The following CFAP299 variants were observed in gnomAD, a reference collection of about 807,000 sequenced individuals.
CFAP299 encodes the protein cilia and flagella associated protein 299, also known as cilia- and flagella-associated protein 299.
A neutral mutation model predicts 27.0 loss-of-function variants in CFAP299; 21 were observed. The observed-to-expected ratio is 0.78, with a 90% confidence interval of 0.55 to 1.12. CFAP299 has a LOEUF of 1.12. Among genes scored for constraint, CFAP299 ranks in the 50% most tolerant of loss-of-function variants. The pLI, the probability that CFAP299 is intolerant of heterozygous loss-of-function variation, is 0.00. For missense variants in CFAP299, 310 were observed against 276.6 expected, an observed-to-expected ratio of 1.12 and a Z score of -0.86; for synonymous variants, 104 against 98.1, an observed-to-expected ratio of 1.06 and a Z score of -0.36.
chr4:80,464,774 T>C (rs1368251696), intron 2 of CFAP299, among the ~76,000 whole-genome samples: 1 of 152,122 alleles, frequency 6.6e-6, no homozygotes, highest in Non-Finnish European at 1.5e-5. Context: ...TGTCATAATA[T>C]TTTGACATCT....
chr4:80,809,356 G>T (rs1235176167), intron 3 of CFAP299, among the ~76,000 whole-genome samples: 6 of 152,132 alleles, frequency 3.9e-5, no homozygotes, highest in African/African-American at 1.4e-4. Flanking sequence ...GGGGACAAAA[G>T]GTGAAACTTT....
chr4:80,473,539 G>GT (rs1730114730), intron 2 of CFAP299, among the ~76,000 whole-genome samples: 1 of 151,262 alleles, frequency 6.6e-6, no homozygotes, highest in South Asian at 2.1e-4. Flanking sequence ...CTCTTTCTGT[G>GT]TAAAATAGGA....
chr4:80,388,322 T>G lies in CFAP299; in HGVS notation c.242+25438T>G, dbSNP rs114947267. 1.1e-3 allele frequency: 747 copies of G among 685,126 alleles called. 1 individual carries two copies. In the African/African-American group the frequency reaches 0.012, roughly 11 times the overall value. 42.4% of individuals were successfully genotyped at this position (685,126 alleles called of 1,614,324 possible). A position where few individuals can be genotyped will look rare whatever the true frequency, so the allele number is the denominator to read the frequency against. On this transcript the variant is annotated intron_variant, in intron 2 of 5. Transcript: ENST00000358105. The stretch of plus-strand genomic sequence containing the variant: ...GAGCAAGTCATTGCTTACCAAGATG[T>G]TCCCCTGGATCAGTGGGGACAGGGG...
chr4:80,904,440 TG>T (rs1055110913), intron 4 of CFAP299, among the ~76,000 whole-genome samples: 1 of 152,180 alleles, frequency 6.6e-6, no homozygotes, highest in Non-Finnish European at 1.5e-5. Context: ...TTGGGTTCTA[TG>T]GGGAACCCTT....
chr4:80,596,896 T>C (rs958552773), intron 3 of CFAP299, among the ~76,000 whole-genome samples: 2 of 152,212 alleles, frequency 1.3e-5, no homozygotes, highest in African/African-American at 4.8e-5. Flanking sequence ...ATCCATGTTG[T>C]CGTGTGCAGT....
At chr4:80,687,900 C>T (rs1720324275) in intron 3 of CFAP299, among the ~76,000 whole-genome samples, 1 of 152,298 alleles carries the variant, frequency 6.6e-6, no homozygotes, top group South Asian at 2.1e-4. Flanking sequence ...TCAGGGAGTT[C>T]CCTTTCATAG....
intron 4 of CFAP299, among the ~76,000 whole-genome samples, chr4:80,889,930 A>T (rs1734174963): frequency 6.6e-6 from 1 of 152,058 alleles, no homozygotes; most frequent in African/African-American, 2.4e-5. Flanking sequence ...AACACCTCTT[A>T]ATGATAAGAA....
intron 2 of CFAP299, among the ~76,000 whole-genome samples, chr4:80,421,373 G>A (rs1020166953): frequency 2.0e-5 from 3 of 152,160 alleles, no homozygotes; most frequent in African/African-American, 7.2e-5. Context: ...GTGGAACAAA[G>A]AACTAAGACT....
intron 3 of CFAP299, among the ~76,000 whole-genome samples, chr4:80,623,104 T>C (rs1738689952): frequency 6.6e-6 from 1 of 152,130 alleles, no homozygotes; most frequent in Non-Finnish European, 1.5e-5. Context: ...GCTTCTGTTC[T>C]ACACTCAATT....
intron 3 of CFAP299, among the ~76,000 whole-genome samples, chr4:80,848,767 C>T (rs1221506047): frequency 1.3e-5 from 2 of 151,998 alleles, no homozygotes; most frequent in African/African-American, 4.8e-5. Context: ...CAGAGCAATA[C>T]CCTGTCTCAA....
intron 2 of CFAP299, chr4:80,387,434 C>T: frequency 1.1e-6 from 1 of 874,100 alleles, no homozygotes; most frequent in Non-Finnish European, 1.9e-6. Context: ...CAAGTAGGAG[C>T]TGTAGATGAG....
At chr4:80,671,380 T>C (rs1478293869) in intron 3 of CFAP299, among the ~76,000 whole-genome samples, 1 of 152,232 alleles carries the variant, frequency 6.6e-6, no homozygotes, top group Non-Finnish European at 1.5e-5. Context: ...CCATGCTGTT[T>C]TGGTTACAAA....
At chr4:80,442,663 G>T (rs1728416073) in intron 2 of CFAP299, among the ~76,000 whole-genome samples, 1 of 152,106 alleles carries the variant, frequency 6.6e-6, no homozygotes, top group African/African-American at 2.4e-5. Flanking sequence ...TCAAAGACTA[G>T]CAGAAGACAA....
chr4:80,854,686 G>A (rs905120908), intron 3 of CFAP299, among the ~76,000 whole-genome samples: 4 of 150,600 alleles, frequency 2.7e-5, no homozygotes, highest in Non-Finnish European at 3.0e-5. Flanking sequence ...AAGGGTGTTC[G>A]TGAAAGTTTG....
chr4:80,544,695 G>A (rs1445196400), intron 2 of CFAP299, among the ~76,000 whole-genome samples: 4 of 152,016 alleles, frequency 2.6e-5, no homozygotes, highest in South Asian at 2.1e-4. Context: ...ACCCAACATC[G>A]GAGCACCCAG....
intron 2 of CFAP299, among the ~76,000 whole-genome samples, chr4:80,411,306 A>C (rs1726709235): frequency 6.6e-6 from 1 of 152,186 alleles, no homozygotes; most frequent in Non-Finnish European, 1.5e-5. Flanking sequence ...ATAAACTGGC[A>C]CTTAATTCAT....
chr4:80,343,939 T>C (rs1722600545), intron 1 of CFAP299, among the ~76,000 whole-genome samples: 3 of 152,042 alleles, frequency 2.0e-5, no homozygotes, highest in African/African-American at 7.2e-5. Flanking sequence ...AGAAGCTATT[T>C]GTAACTAATG....
chr4:80,450,245 G>A (rs1321949675), intron 2 of CFAP299, among the ~76,000 whole-genome samples: 2 of 152,122 alleles, frequency 1.3e-5, no homozygotes, highest in Non-Finnish European at 2.9e-5. Context: ...ACCAAAGAAG[G>A]AAAGAGAATT....
chr4:80,405,459 A>G (rs1031955009), intron 2 of CFAP299, among the ~76,000 whole-genome samples: 2 of 152,206 alleles, frequency 1.3e-5, no homozygotes, highest in Non-Finnish European at 2.9e-5. Flanking sequence ...ATCTTTAAAT[A>G]TTCATTAATA....
Sources: allele counts gnomAD v4.1 joint callset (sites outside exome capture counted in the v4.1 genomes callset), GRCh38; gene constraint gnomAD v4.1.1; transcripts MANE v1.5; gene names NCBI Gene and HGNC (gene_info 2026-07-23, HGNC 2026-07-21).